Variants in ZNF722 observed in about 807,000 individuals in gnomAD.
The protein encoded by ZNF722 is zinc finger protein 479 pseudogene.
chr7:64,004,430 A>ATATATG, the ZNF722 span, among the ~76,000 whole-genome samples: 2 of 99,168 alleles, frequency 2.0e-5, no homozygotes, highest in South Asian at 7.2e-4. Context: ...AAAAAAATAT[A>ATATATG]TATATATATA....
the ZNF722 span, among the ~76,000 whole-genome samples, chr7:64,004,419 A>ATATATATATAT: frequency 1.4e-5 from 1 of 71,868 alleles, no homozygotes; most frequent in African/African-American, 6.2e-5. Flanking sequence ...TTAAAAAAAA[A>ATATATATATAT]AAAAAAATAT....
chr7:64,000,863 C>T, the ZNF722 span, among the ~76,000 whole-genome samples: 3 of 152,006 alleles, frequency 2.0e-5, no homozygotes, highest in East Asian at 1.9e-4. Flanking sequence ...TTACAACCTC[C>T]GTGTCCCGGG....
At chr7:64,012,774 G>T in the ZNF722 span, among the ~76,000 whole-genome samples, 1 of 151,204 alleles carries the variant, frequency 6.6e-6, no homozygotes, top group Non-Finnish European at 1.5e-5. Flanking sequence ...ATCCCATATT[G>T]AAATGTAATC....
the ZNF722 span, chr7:64,015,593 A>G: frequency 1.2e-5 from 20 of 1,613,818 alleles, no homozygotes; most frequent in Non-Finnish European, 1.7e-5. Flanking sequence ...AATGTGGCCA[A>G]GCTTTTAGGC....
the ZNF722 span, among the ~76,000 whole-genome samples, chr7:64,010,336 G>C: frequency 6.6e-6 from 1 of 152,104 alleles, no homozygotes; most frequent in African/African-American, 2.4e-5. Flanking sequence ...TGTGATATTA[G>C]GGTGTTGATT....
At chr7:64,008,626 A>T in the ZNF722 span, among the ~76,000 whole-genome samples, 1 of 152,176 alleles carries the variant, frequency 6.6e-6, no homozygotes, top group Non-Finnish European at 1.5e-5. Flanking sequence ...TACCAGTACC[A>T]TGCTGTTTTG....
chr7:64,005,758 A>G, the ZNF722 span: 8 of 1,508,950 alleles, frequency 5.3e-6, no homozygotes, highest in South Asian at 1.2e-5. Flanking sequence ...ACTTCAATAC[A>G]CAATTCCTAA....
the ZNF722 span, chr7:63,998,969 A>T: frequency 2.5e-5 from 40 of 1,579,594 alleles, no homozygotes; most frequent in African/African-American, 4.4e-4. Flanking sequence ...TTTATGGCTG[A>T]AAGACCGGGA....
the ZNF722 span, among the ~76,000 whole-genome samples, chr7:64,012,944 A>T: frequency 6.6e-6 from 1 of 151,580 alleles, no homozygotes; most frequent in East Asian, 1.9e-4. Context: ...TCCACCTCAC[A>T]CTCGCATCAT....
the ZNF722 span, among the ~76,000 whole-genome samples, chr7:64,004,342 G>T: frequency 6.8e-6 from 1 of 147,076 alleles, no homozygotes; most frequent in African/African-American, 2.5e-5. Context: ...TCAGGAGGTG[G>T]AGGTTGCAGT....
At chr7:63,999,350 G>A in the ZNF722 span, among the ~76,000 whole-genome samples, 1 of 152,160 alleles carries the variant, frequency 6.6e-6, no homozygotes, top group South Asian at 2.1e-4. Flanking sequence ...TAAGTGGTAA[G>A]AGCTGTGGTC....
the ZNF722 span, among the ~76,000 whole-genome samples, chr7:64,008,721 A>G: frequency 6.6e-6 from 1 of 152,180 alleles, no homozygotes; most frequent in Non-Finnish European, 1.5e-5. Flanking sequence ...TGTCTTGGCA[A>G]TGTGGGCTCT....
At chr7:64,012,509 GT>G in the ZNF722 span, among the ~76,000 whole-genome samples, 5 of 152,080 alleles carry the variant, frequency 3.3e-5, no homozygotes, top group African/African-American at 9.7e-5. Flanking sequence ...CTGTTTGTTA[GT>G]TTTCCTTCCA....
the ZNF722 span, among the ~76,000 whole-genome samples, chr7:64,000,436 C>CTTTTTTTT: frequency 0.049 from 1,168 of 23,728 alleles, 463 homozygotes; most frequent in Admixed American, 0.059. Context: ...CATGCCCGGC[C>CTTTTTTTT]TTTTTTTTTT....
the ZNF722 span, chr7:64,015,990 T>G: frequency 1.0e-6 from 1 of 993,166 alleles, no homozygotes; most frequent in Non-Finnish European, 1.5e-6. Context: ...ACACTACAAG[T>G]GTAGAGAATA....
the ZNF722 span, among the ~76,000 whole-genome samples, chr7:64,000,317 C>T: frequency 1.3e-5 from 2 of 149,436 alleles, no homozygotes; most frequent in Non-Finnish European, 1.5e-5. Context: ...TTAATAGAGA[C>T]GGAGTTTCTC....
the ZNF722 span, among the ~76,000 whole-genome samples, chr7:64,008,804 G>C: frequency 6.6e-6 from 1 of 152,136 alleles, no homozygotes; most frequent in Admixed American, 6.6e-5. Context: ...GCTTGATGGG[G>C]ATGGCATTGA....
chr7:64,000,436 C>CTTTTTTTTTT, the ZNF722 span, among the ~76,000 whole-genome samples: 433 of 23,708 alleles, frequency 0.018, 172 homozygotes, highest in East Asian at 0.027. Flanking sequence ...CATGCCCGGC[C>CTTTTTTTTTT]TTTTTTTTTT....
the ZNF722 span, chr7:63,999,105 T>G: frequency 7.7e-7 from 1 of 1,297,732 alleles, no homozygotes; most frequent in Non-Finnish European, 1.1e-6. Flanking sequence ...CTCTGGAGTC[T>G]GAGGACCCAA....
Sources: allele counts gnomAD v4.1 joint callset (sites outside exome capture counted in the v4.1 genomes callset), GRCh38; gene constraint gnomAD v4.1.1; transcripts MANE v1.5; gene names NCBI Gene and HGNC (gene_info 2026-07-23, HGNC 2026-07-21).